The following ANKRD36C variants were observed in gnomAD, a reference collection of about 807,000 sequenced individuals.
The protein encoded by ANKRD36C is ankyrin repeat domain-containing protein 36C.
In ANKRD36C, 61 loss-of-function variants were observed where a neutral mutation model predicts 276.4. The ratio of observed to expected loss-of-function variants is 0.22; its 90% CI spans 0.18 to 0.27. ANKRD36C has a LOEUF of 0.27. ANKRD36C is among the 10% of genes least tolerant of loss of function. The pLI is 1.00. For missense variants in ANKRD36C, 1,447 were observed against 2,032.3 expected (o/e 0.71, Z 5.54); for synonymous variants, 483 against 680.1 (o/e 0.71, Z 4.51).
chr2:95,885,269 A>T (rs2104333901), intron 52 of ANKRD36C, among the ~76,000 whole-genome samples: 1 of 151,706 alleles, frequency 6.6e-6, no homozygotes, highest in African/African-American at 2.4e-5. Context: ...TCCAATAGCT[A>T]TTTTACCCAA....
At chr2:95,957,690 C>T (rs1009007031) in intron 12 of ANKRD36C, among the ~76,000 whole-genome samples, 4 of 152,136 alleles carry the variant, frequency 2.6e-5, no homozygotes, top group Non-Finnish European at 5.9e-5. Flanking sequence ...GGAAATCACT[C>T]CAATATTCAA....
At chr2:95,949,481 T>A (rs978744089) in intron 16 of ANKRD36C, among the ~76,000 whole-genome samples, 3 of 152,112 alleles carry the variant, frequency 2.0e-5, no homozygotes, top group African/African-American at 7.2e-5. Context: ...TCCATGGCAA[T>A]CCCCAATCTA....
intron 28 of ANKRD36C, among the ~76,000 whole-genome samples, chr2:95,925,766 G>T (rs1225589184): frequency 6.6e-6 from 1 of 151,426 alleles, no homozygotes; most frequent in African/African-American, 2.4e-5. Context: ...TTACAAAGAG[G>T]TATTATGTGT....
At position 95,987,274 on chromosome 2, in the gene ANKRD36C, C is replaced by A. The variant is rs1679048648; in HGVS notation, c.198-68G>T. The A allele has an allele frequency of 3.4e-6, 5 of 1,481,948 alleles. No homozygotes were observed. The South Asian group carries it at 7.0e-5, about 21-fold the overall frequency. The allele number at this position is 1,481,948 out of a possible 1,614,324, so 91.8% of individuals were successfully genotyped here. On this transcript the variant is annotated intron_variant, in intron 1 of 66. Coordinates refer to ENST00000456556, the Ensembl canonical transcript of ANKRD36C. Reference sequence around the variant, plus strand: ...ATTAATTAGCATGTTATTTCTCTGTCTTCAAAACAAATATGTAATTTTCTT... The same window carrying A: ...ATTAATTAGCATGTTATTTCTCTGTATTCAAAACAAATATGTAATTTTCTT...
intron 62 of ANKRD36C, among the ~76,000 whole-genome samples, chr2:95,856,408 A>G (rs1675413323): frequency 6.6e-6 from 1 of 152,206 alleles, no homozygotes; most frequent in Admixed American, 6.5e-5. Flanking sequence ...AGCAAAAAAG[A>G]AACCACTAGA....
chr2:95,925,395 C>G, exon 30 of ANKRD36C: 2 of 1,568,860 alleles, frequency 1.3e-6, no homozygotes. Flanking sequence ...TGGCAATATT[C>G]AAAAGAGAAA....
At chr2:95,935,379 G>C in intron 24 of ANKRD36C, 75 bp downstream of exon 24, 1 of 1,325,016 alleles carries the variant, frequency 7.5e-7, no homozygotes, top group Non-Finnish European at 1.0e-6. Context: ...AAAGAAGTAA[G>C]AATCAGAAGG....
intron 42 of ANKRD36C, 45 bp downstream of exon 46, chr2:95,910,328 A>C (rs902686861): frequency 6.6e-7 from 1 of 1,505,572 alleles, no homozygotes; most frequent in Non-Finnish European, 8.9e-7. Flanking sequence ...AGAACTTCTT[A>C]TCTATCTGGA....
At chr2:95,879,044 A>G (rs184040112) in intron 58 of ANKRD36C, among the ~76,000 whole-genome samples, 1 of 152,362 alleles carries the variant, frequency 6.6e-6, no homozygotes, top group African/African-American at 2.4e-5. Flanking sequence ...CAATAGCCAT[A>G]ATTTGGAATC....
At position 95,913,154 on chromosome 2, in the gene ANKRD36C, G is replaced by A. The variant is rs576884222; in HGVS notation, c.2552-719C>T. ...TATCATCAATTATCAACTTTGACAT[G>A]CTTCTACAAAGTGAAATGGCTACAA... On this transcript the variant is annotated intron_variant, in intron 40 of 66. Coordinates refer to ENST00000456556, the Ensembl canonical transcript of ANKRD36C. Among the ~76,000 whole-genome samples, 701 of 149,380 alleles carry A rather than the reference G, an allele frequency of 4.7e-3. 9 individuals are homozygous for A. The highest frequency in any genetic ancestry group is 0.016 in the African/African-American group (658 of 40,688).
Position 95,919,822 on chromosome 2 carries a change from A to G in ANKRD36C, c.2246-1780T>C, listed in dbSNP as rs1269101409. 2 of 1,500,250 alleles carry G rather than the reference A, an allele frequency of 1.3e-6. No homozygotes were observed. The highest frequency in any genetic ancestry group is 1.8e-6 in the Non-Finnish European group (2 of 1,119,600). 92.9% of individuals were successfully genotyped at this position (1,500,250 alleles called of 1,614,324 possible). A position where few individuals can be genotyped will look rare whatever the true frequency, so the allele number is the denominator to read the frequency against. ...AGTTGTAGCCTGAATGGAATTTGAA[A>G]GAAAATAATAAATAAATAAATCAAT... On this transcript the variant is annotated intron_variant, in intron 34 of 66. Transcript: ENST00000456556.
chr2:95,944,401 C>T (rs1677977826), intron 19 of ANKRD36C, among the ~76,000 whole-genome samples: 1 of 152,194 alleles, frequency 6.6e-6, no homozygotes, highest in Admixed American at 6.5e-5. Context: ...CTTGTTGTCA[C>T]ACTTCTTTTC....
chr2:95,925,680 G>A, intron 28 of ANKRD36C, 133 bp from the exon 29 acceptor site: 2 of 1,047,502 alleles, frequency 1.9e-6, no homozygotes, highest in East Asian at 2.6e-5. Flanking sequence ...TACAGTTTGT[G>A]TCTTTGGGAC....
chr2:95,963,986 T>TATATATATATATAA (rs1678526514), intron 6 of ANKRD36C, among the ~76,000 whole-genome samples: 1 of 19,062 alleles, frequency 5.2e-5, no homozygotes, highest in African/African-American at 3.3e-4. Flanking sequence ...TATATATATA[T>TATATATATATATAA]ATATATATAT....
chr2:95,886,209 T>G lies in ANKRD36C; in HGVS notation c.3090+7A>C, dbSNP rs772204468. On this transcript the variant is annotated splice_region_variant and intron_variant, in intron 51 of 66. Transcript: ENST00000456556. ...ATAGTTCAAAATATATATGAGTGTT[T>G]AATTACCTTCCAGGCCAGTTGTTTC... The G allele has an allele frequency of 1.1e-5, 14 of 1,240,044 alleles. 1 individual carries two copies. The highest frequency in any genetic ancestry group is 4.6e-4 in the Middle Eastern group (2 of 4,312). 76.8% of individuals were successfully genotyped at this position (1,240,044 alleles called of 1,614,324 possible).
At chr2:95,881,192 T>G (rs1474090156) in intron 56 of ANKRD36C, among the ~76,000 whole-genome samples, 2 of 152,064 alleles carry the variant, frequency 1.3e-5, no homozygotes, top group Admixed American at 6.6e-5. Flanking sequence ...TAATATTCAT[T>G]ATTTATCATG....
At chr2:95,924,308 T>G (rs1045539948) in intron 30 of ANKRD36C, among the ~76,000 whole-genome samples, 34 of 151,608 alleles carry the variant, frequency 2.2e-4, no homozygotes, top group Admixed American at 2.6e-4. Flanking sequence ...TATCCTCTAG[T>G]TTAGCCTTCA....
chr2:95,893,187 C>T (rs972895744), intron 44 of ANKRD36C, among the ~76,000 whole-genome samples: 19 of 151,338 alleles, frequency 1.3e-4, no homozygotes, highest in African/African-American at 4.1e-4. Context: ...TACGATGTGA[C>T]GTCTGTAAAA....
intron 18 of ANKRD36C, 80 bp from the exon 19 acceptor site, chr2:95,944,774 A>G (rs1408757344): frequency 4.1e-6 from 6 of 1,472,834 alleles, no homozygotes; most frequent in Admixed American, 2.0e-5. Context: ...GTGGGGGCTC[A>G]CAGCTTTAAT....
Sources: allele counts gnomAD v4.1 joint callset (sites outside exome capture counted in the v4.1 genomes callset), GRCh38; gene constraint gnomAD v4.1.1; transcripts MANE v1.5; gene names NCBI Gene and HGNC (gene_info 2026-07-23, HGNC 2026-07-21).